NLRP13: variants seen among roughly 807,000 people sequenced by gnomAD.
NLRP13 encodes the protein NACHT, LRR and PYD domains-containing protein 13.
NLRP13 carries 82 observed loss-of-function variants against 94.4 expected under a neutral mutation model. The observed-to-expected ratio is 0.87, with a 90% CI of 0.73 to 1.04. The LOEUF is 1.04. Ranked by LOEUF, NLRP13 falls within the 50% of genes least tolerant of loss-of-function variation. The pLI is 0.00. For missense variants in NLRP13, 1,426 were observed against 1,230.8 expected, an observed-to-expected ratio of 1.16 and a Z score of -2.37; for synonymous variants, 553 against 464.7, an observed-to-expected ratio of 1.19 and a Z score of -2.45.
At chr19:55,910,857 G>C (rs1052645537) in intron 5 of NLRP13, 124 bp from the exon 6 acceptor site, 1 of 875,174 alleles carries the variant, frequency 1.1e-6, no homozygotes, top group Admixed American at 2.6e-5. Context: ...AATGTGGCTG[G>C]GTGCAGTGGC....
At chr19:55,913,644 G>A (rs181979388) in intron 4 of NLRP13, among the ~76,000 whole-genome samples, 3 of 150,910 alleles carry the variant, frequency 2.0e-5, no homozygotes, top group East Asian at 1.9e-4. Context: ...ACATAAGAGC[G>A]ATCAAGAACA....
At chr19:55,896,518 C>CAAA (rs776309030) in intron 10 of NLRP13, among the ~76,000 whole-genome samples, 2,304 of 90,066 alleles carry the variant, frequency 0.026, 64 homozygotes, top group African/African-American at 0.046. Context: ...GATTCTGTCT[C>CAAA]AAAAAAAAAA....
Position 55,904,224 on chromosome 19 carries a change from C to CT in NLRP13, c.2618+717dup, listed in dbSNP as rs555964346. On this transcript the variant is annotated intron_variant, in intron 8 of 10. Coordinates refer to ENST00000342929, the MANE Select transcript of NLRP13 (RefSeq NM_176810.2). ...TCTCCTGCCTCTGCCTCCTGAGTGG[C>CT]TGGGATTATAGGCACCATGCCCGAC... 2.0e-5 allele frequency among the ~76,000 whole-genome samples: 3 copies of CT among 152,112 alleles called. No homozygotes were observed. In the South Asian group the frequency reaches 6.2e-4, roughly 32 times the overall value.
At chr19:55,926,347 G>T (rs937450849) in intron 1 of NLRP13, among the ~76,000 whole-genome samples, 1 of 152,202 alleles carries the variant, frequency 6.6e-6, no homozygotes, top group African/African-American at 2.4e-5. Flanking sequence ...TTAAAAATTA[G>T]TAAGTTTTCA....
intron 9 of NLRP13, 86 bp downstream of exon 9, chr19:55,901,949 A>C: frequency 2.1e-6 from 3 of 1,415,914 alleles, no homozygotes; most frequent in South Asian, 1.3e-5. Flanking sequence ...GCCTCATTCA[A>C]ACCCCATCAG....
At chr19:55,908,096 G>A in intron 6 of NLRP13, 140 bp from the exon 7 acceptor site, 1 of 725,740 alleles carries the variant, frequency 1.4e-6, no homozygotes, top group Non-Finnish European at 2.2e-6. Context: ...AACAAGGGCT[G>A]AGCCATGGTA....
At chr19:55,896,518 C>CA (rs776309030) in intron 10 of NLRP13, among the ~76,000 whole-genome samples, 33,644 of 89,904 alleles carry the variant, frequency 0.37, 6,072 homozygotes, top group Middle Eastern at 0.54. Context: ...GATTCTGTCT[C>CA]AAAAAAAAAA....
chr19:55,928,922 CAACTT>C (rs1292043458), intron 1 of NLRP13, among the ~76,000 whole-genome samples: 2 of 151,860 alleles, frequency 1.3e-5, no homozygotes, highest in Non-Finnish European at 2.9e-5. Context: ...AATCTACAAA[CAACTT>C]AAATTTACAA....
intron 7 of NLRP13, among the ~76,000 whole-genome samples, chr19:55,905,426 TAC>T (rs1473846923): frequency 2.0e-5 from 3 of 150,508 alleles, no homozygotes; most frequent in African/African-American, 2.4e-5. Flanking sequence ...CACGTATATA[TAC>T]ACACACATAT....
intron 4 of NLRP13, among the ~76,000 whole-genome samples, chr19:55,914,323 G>A (rs77599711): frequency 0.053 from 8,077 of 152,286 alleles, 268 homozygotes; most frequent in Non-Finnish European, 0.081. Flanking sequence ...CACATGGTAG[G>A]AGGCTGGATC....
At chr19:55,915,631 C>G (rs1986656633) in intron 4 of NLRP13, among the ~76,000 whole-genome samples, 1 of 152,018 alleles carries the variant, frequency 6.6e-6, no homozygotes, top group Admixed American at 6.6e-5. Flanking sequence ...AATCACAATT[C>G]AAACAGAGTA....
intron 7 of NLRP13, among the ~76,000 whole-genome samples, chr19:55,907,439 G>T (rs1242793996): frequency 6.6e-6 from 1 of 152,100 alleles, no homozygotes; most frequent in Admixed American, 6.5e-5. Context: ...GGGTGTGGTG[G>T]CACACACCTG....
intron 6 of NLRP13, 54 bp downstream of exon 6, chr19:55,910,509 A>C: frequency 6.8e-7 from 1 of 1,460,424 alleles, no homozygotes; most frequent in Non-Finnish European, 9.2e-7. Flanking sequence ...AAAAGAGAGA[A>C]GTTGGGAGAT....
intron 1 of NLRP13, among the ~76,000 whole-genome samples, chr19:55,930,617 C>T (rs1283426152): frequency 5.0e-5 from 7 of 139,348 alleles, no homozygotes; most frequent in African/African-American, 8.1e-5. Flanking sequence ...ACCCAGGAGG[C>T]GGAGAGTGCA....
downstream of NLRP13, chr19:55,895,822 A>C: frequency 9.6e-7 from 1 of 1,042,598 alleles, no homozygotes; most frequent in Non-Finnish European, 1.4e-6. Context: ...CCTTACTGGA[A>C]GTTCCGTTGG....
intron 8 of NLRP13, among the ~76,000 whole-genome samples, chr19:55,903,004 A>G (rs1354558534): frequency 6.6e-6 from 1 of 151,074 alleles, no homozygotes; most frequent in Non-Finnish European, 1.5e-5. Flanking sequence ...TTATATAATT[A>G]CAATTATAAT....
Position 55,901,996 on chromosome 19 carries a change from C to G in NLRP13, c.2789+39G>C, listed in dbSNP as rs1329171744. ...TTGGTGGGTCAATTCCCATGGCTCT[C>G]CTCCATCTGCCAACTCAGAGGGAGC... On this transcript the variant is annotated intron_variant, in intron 9 of 10. Coordinates refer to ENST00000342929, the MANE Select transcript of NLRP13 (RefSeq NM_176810.2). The G allele has an allele frequency of 2.5e-6, 4 of 1,606,472 alleles. No homozygotes were observed. The African/African-American group carries it at 4.0e-5, about 16-fold the overall frequency.
rs534330939 is a variant in NLRP13, at chr19:55,932,320, A to T, written c.-9T>A. ...ATTACAGAAAAGTTCATCTTGCCCA[A>T]CACATGCAGTTTCTCACTTCAGCAA... On this transcript the variant is annotated 5_prime_UTR_variant, in exon 1 of 11. It adds an upstream start codon to the 5' untranslated region. Coordinates refer to ENST00000342929, the MANE Select transcript of NLRP13 (RefSeq NM_176810.2). 4 of 1,596,720 alleles carry T rather than the reference A, an allele frequency of 2.5e-6. No individual in the cohort carries two copies. In the African/African-American group the frequency reaches 5.4e-5, roughly 22 times the overall value.
Position 55,895,967 on chromosome 19 carries a change from C to T in NLRP13, c.3110G>A (p.Cys1037Tyr), listed in dbSNP as rs1985995788. The T allele has an allele frequency of 1.2e-6, 2 of 1,613,888 alleles. No individual in the cohort carries two copies. The highest frequency in any genetic ancestry group is 2.2e-5 in the South Asian group (2 of 91,050). Reference protein sequence around the residue: ...MLCKALKKSTCRLQKLG With the variant: ...MLCKALKKSTYRLQKLG ...GGTTTACCCGAGTTTCTGCAGCCTG[C>T]ATGTCGACTTTTTCAAAGCCTTACA... Residue 1037 changes from cysteine to tyrosine, a missense_variant, in exon 11 of 11, where the codon TGC (cysteine) becomes TAC (tyrosine). Physicochemically the swap from Cys to Tyr is radical, Grantham distance 194. Transcript: ENST00000342929.
Sources: gnomAD v4.1 joint callset for allele counts (sites outside exome capture counted in the v4.1 genomes callset) on GRCh38, gnomAD v4.1.1 for gene constraint, MANE v1.5 for transcripts, NCBI Gene and HGNC (gene_info 2026-07-23, HGNC 2026-07-21) for gene names.